The following TXNRD1 variants were observed in gnomAD, a reference collection of about 807,000 sequenced individuals.
The protein encoded by TXNRD1 is thioredoxin reductase 1.
TXNRD1 carries 57 observed loss-of-function variants against 80.3 expected under a neutral mutation model. The observed-to-expected ratio is 0.71, with a 90% CI of 0.57 to 0.89. The LOEUF (loss-of-function observed/expected upper bound fraction) is 0.89. Ranked by LOEUF, TXNRD1 falls within the 40% of genes least tolerant of loss-of-function variation. The pLI is 0.00. For synonymous variants in TXNRD1, 291 were observed against 285.2 expected (o/e 1.02, Z -0.20); for missense variants, 730 against 803.0 (o/e 0.91, Z 1.10).
chr12:104,234,291 A>C (rs2135686513), intron 1 of TXNRD1, among the ~76,000 whole-genome samples: 1 of 152,256 alleles, frequency 6.6e-6, no homozygotes, highest in South Asian at 2.1e-4. Context: ...TATTTGATTT[A>C]AGCACATCTT....
intron 4 of TXNRD1, among the ~76,000 whole-genome samples, chr12:104,294,198 G>A (rs1472010435): frequency 7.6e-6 from 1 of 130,722 alleles, no homozygotes; most frequent in African/African-American, 2.9e-5. Flanking sequence ...AAGAGGTGGA[G>A]GAGCAGAGTC....
chr12:104,219,984 TC>T (rs1362839328), intron 1 of TXNRD1, among the ~76,000 whole-genome samples: 4 of 152,196 alleles, frequency 2.6e-5, no homozygotes, highest in African/African-American at 9.7e-5. Flanking sequence ...TAAATCAGCC[TC>T]AGAGTGAAGG....
chr12:104,233,664 G>T (rs1464317312), intron 1 of TXNRD1, among the ~76,000 whole-genome samples: 1 of 152,132 alleles, frequency 6.6e-6, no homozygotes, highest in South Asian at 2.1e-4. Flanking sequence ...TGGGATTACA[G>T]GTGCCAGCCA....
At chr12:104,234,640 A>G (rs866983746) in intron 1 of TXNRD1, among the ~76,000 whole-genome samples, 1,439 of 92,294 alleles carry the variant, frequency 0.016, 32 homozygotes, top group African/African-American at 0.085. Flanking sequence ...AAGTCAGGGA[A>G]AAAAAAAAAA....
At chr12:104,258,148 C>A in intron 3 of TXNRD1, 69 bp downstream of exon 3, 1 of 1,220,396 alleles carries the variant, frequency 8.2e-7, no homozygotes, top group Non-Finnish European at 1.2e-6. Context: ...TTCTATCTGG[C>A]TTTAATTTGT....
At chr12:104,319,154 C>A (rs1393647772) in intron 8 of TXNRD1, 99 bp downstream of exon 8, 3 of 1,333,622 alleles carry the variant, frequency 2.2e-6, no homozygotes, top group Non-Finnish European at 3.0e-6. Context: ...AAAGTAATAG[C>A]CACTGTGACC....
At chr12:104,288,896 C>T in intron 3 of TXNRD1, 35 bp from the exon 4 acceptor site, 1 of 1,613,926 alleles carries the variant, frequency 6.2e-7, no homozygotes, top group Non-Finnish European at 8.5e-7. Context: ...GGGAGAAGCA[C>T]CTTACACGCT....
intron 3 of TXNRD1, chr12:104,288,698 T>C (rs948698115): frequency 2.5e-5 from 34 of 1,371,152 alleles, no homozygotes; most frequent in Non-Finnish European, 3.2e-5. Context: ...ACAGCTAGCC[T>C]TGAGGCCATG....
intron 4 of TXNRD1, among the ~76,000 whole-genome samples, chr12:104,301,527 C>T (rs997389984): frequency 4.7e-4 from 71 of 152,130 alleles, no homozygotes; most frequent in African/African-American, 1.6e-3. Context: ...TTAGTAGAGA[C>T]GGGGTTTCAC....
chr12:104,285,856 A>G (rs1401389799), intron 3 of TXNRD1: 1 of 152,130 alleles, frequency 6.6e-6, no homozygotes. Context: ...CTCAACACCC[A>G]CGTACTAGAT....
intron 13 of TXNRD1, among the ~76,000 whole-genome samples, chr12:104,328,986 A>G (rs1049198019): frequency 6.6e-6 from 1 of 152,146 alleles, no homozygotes; most frequent in Non-Finnish European, 1.5e-5. Flanking sequence ...TTTTCCTTAC[A>G]TTGGTTTCAG....
chr12:104,322,305 T>C (rs951343945), intron 10 of TXNRD1, among the ~76,000 whole-genome samples: 1 of 151,896 alleles, frequency 6.6e-6, no homozygotes, highest in Non-Finnish European at 1.5e-5. Flanking sequence ...AATATTGTTA[T>C]GAAGATTAAG....
intron 3 of TXNRD1, 85 bp from the exon 4 acceptor site, chr12:104,288,846 C>T (rs1304605035): frequency 1.2e-6 from 2 of 1,611,596 alleles, no homozygotes; most frequent in Non-Finnish European, 8.5e-7. Flanking sequence ...GGGGCCGGGA[C>T]GGAAGCCCCG....
chr12:104,253,288 A>C (rs2033170397), intron 2 of TXNRD1, among the ~76,000 whole-genome samples: 1 of 152,162 alleles, frequency 6.6e-6, no homozygotes, highest in Admixed American at 6.6e-5. Context: ...TCCTGAACAC[A>C]TTCTGCATCG....
chr12:104,303,983 A>C, intron 4 of TXNRD1: 2 of 1,607,878 alleles, frequency 1.2e-6, no homozygotes, highest in Non-Finnish European at 1.7e-6. Context: ...CGACGACCTC[A>C]GCTCTGGGGA....
At chr12:104,310,111 G>A in intron 4 of TXNRD1, 1 of 1,489,968 alleles carries the variant, frequency 6.7e-7, no homozygotes, top group Non-Finnish European at 8.9e-7. Context: ...TAAGTTTGGG[G>A]GCTTTTTTTT....
At chr12:104,218,180 C>T (rs1384203992) in intron 1 of TXNRD1, among the ~76,000 whole-genome samples, 1 of 151,994 alleles carries the variant, frequency 6.6e-6, no homozygotes, top group African/African-American at 2.4e-5. Context: ...GGCCCGCCAC[C>T]ATGCCCAGCT....
At chr12:104,247,703 A>G (rs979271107) in intron 1 of TXNRD1, among the ~76,000 whole-genome samples, 1 of 152,064 alleles carries the variant, frequency 6.6e-6, no homozygotes, top group African/African-American at 2.4e-5. Flanking sequence ...CTTCTTAATC[A>G]CAGAAGTTAT....
intron 1 of TXNRD1, among the ~76,000 whole-genome samples, chr12:104,240,080 C>G (rs545317542): frequency 1.3e-5 from 2 of 152,256 alleles, no homozygotes; most frequent in African/African-American, 4.8e-5. Flanking sequence ...GTTTGAGTAT[C>G]AGGATGCTAC....
Sources: gnomAD v4.1 joint callset for allele counts (sites outside exome capture counted in the v4.1 genomes callset) on GRCh38, gnomAD v4.1.1 for gene constraint, MANE v1.5 for transcripts, NCBI Gene and HGNC (gene_info 2026-07-23, HGNC 2026-07-21) for gene names.